WWOX: variants seen among roughly 807,000 people sequenced by gnomAD.
WWOX encodes WW domain-containing oxidoreductase.
A neutral mutation model predicts 46.2 loss-of-function variants in WWOX; 69 were observed. The observed-to-expected ratio is 1.49, with a 90% CI of 1.23 to 1.82. The LOEUF is 1.82. Ranked by LOEUF, WWOX falls within the 40% of genes most tolerant of loss-of-function variation. WWOX has a pLI of 0.00. For missense variants in WWOX, 919 were observed against 542.6 expected (o/e 1.69, Z -6.89); for synonymous variants, 359 against 202.6 (o/e 1.77, Z -6.56).
intron 8 of WWOX, among the ~76,000 whole-genome samples, chr16:78,728,370 G>C (rs1156820174): frequency 6.6e-6 from 1 of 151,976 alleles, no homozygotes; most frequent in African/African-American, 2.4e-5. Flanking sequence ...ACCACACCTG[G>C]CCATGGATAA....
intron 8 of WWOX, among the ~76,000 whole-genome samples, chr16:78,647,689 A>G (rs1559290): frequency 0.052 from 7,956 of 152,284 alleles, 288 homozygotes; most frequent in Non-Finnish European, 0.077. Flanking sequence ...TTATACCTCA[A>G]AATAGTCTGC....
intron 8 of WWOX, among the ~76,000 whole-genome samples, chr16:78,772,700 A>T (rs1220652887): frequency 1.3e-5 from 2 of 152,178 alleles, no homozygotes; most frequent in Non-Finnish European, 2.9e-5. Context: ...CTCATTCCAC[A>T]GGAGGGGAAC....
intron 8 of WWOX, among the ~76,000 whole-genome samples, chr16:78,461,810 CTA>C (rs778026547): frequency 2.6e-4 from 39 of 152,194 alleles, no homozygotes; most frequent in Non-Finnish European, 1.3e-4. Context: ...TTTTAATACT[CTA>C]TTTATTTTAG....
intron 7 of WWOX, among the ~76,000 whole-genome samples, chr16:78,429,044 C>G (rs760942336): frequency 6.6e-6 from 1 of 152,152 alleles, no homozygotes; most frequent in Non-Finnish European, 1.5e-5. Flanking sequence ...GATTGGAATT[C>G]CAAACCCATG....
chr16:79,117,602 C>G (rs2049542531), intron 8 of WWOX, among the ~76,000 whole-genome samples: 1 of 152,248 alleles, frequency 6.6e-6, no homozygotes, highest in Non-Finnish European at 1.5e-5. Flanking sequence ...TCTCAAAGTC[C>G]TAGACAGCAT....
At chr16:78,895,346 C>T (rs929061071) in intron 8 of WWOX, 1 of 152,188 alleles carries the variant, frequency 6.6e-6, no homozygotes, top group Admixed American at 6.5e-5. Context: ...CTTCCTTTCT[C>T]ATTCCCAGTA....
intron 8 of WWOX, chr16:78,551,983 G>C (rs2044185003): frequency 1.3e-5 from 2 of 152,266 alleles, no homozygotes; most frequent in African/African-American, 4.8e-5. Context: ...GCTCTCTGCT[G>C]TGTTAACAGA....
intron 8 of WWOX, among the ~76,000 whole-genome samples, chr16:78,433,369 G>A (rs2083266575): frequency 6.6e-6 from 1 of 152,140 alleles, no homozygotes; most frequent in South Asian, 2.1e-4. Context: ...ATAGTTTGGT[G>A]TTCATTTATC....
intron 8 of WWOX, among the ~76,000 whole-genome samples, chr16:78,999,814 C>T (rs773185004): frequency 2.0e-5 from 3 of 151,924 alleles, no homozygotes; most frequent in Non-Finnish European, 4.4e-5. Flanking sequence ...CACCACTACG[C>T]CATATATGCG....
intron 8 of WWOX, among the ~76,000 whole-genome samples, chr16:79,126,928 A>C (rs914822127): frequency 1.3e-5 from 2 of 152,132 alleles, no homozygotes; most frequent in African/African-American, 4.8e-5. Flanking sequence ...AGAGAGTGGG[A>C]AGTAATTTAT....
chr16:78,870,564 C>T (rs2044104819), intron 8 of WWOX, among the ~76,000 whole-genome samples: 1 of 151,864 alleles, frequency 6.6e-6, no homozygotes, highest in African/African-American at 2.4e-5. Context: ...CTCCTCTTCT[C>T]CCCTTGTCTC....
intron 8 of WWOX, among the ~76,000 whole-genome samples, chr16:78,519,274 A>G (rs2043299932): frequency 6.6e-6 from 1 of 152,092 alleles, no homozygotes; most frequent in Non-Finnish European, 1.5e-5. Flanking sequence ...GAACCCAATG[A>G]GGGCCACAGA....
At chr16:79,011,499 A>G (rs144571736) in intron 8 of WWOX, among the ~76,000 whole-genome samples, 14 of 142,246 alleles carry the variant, frequency 9.8e-5, no homozygotes, top group Admixed American at 1.4e-4. Context: ...TTATTTATTT[A>G]TTTATTTTTT....
intron 8 of WWOX, among the ~76,000 whole-genome samples, chr16:78,752,027 A>G (rs1012524647): frequency 2.0e-5 from 3 of 152,022 alleles, no homozygotes; most frequent in Non-Finnish European, 4.4e-5. Context: ...GGATGAGGAG[A>G]GAGACGACAC....
intron 8 of WWOX, among the ~76,000 whole-genome samples, chr16:78,724,312 G>T (rs1351081505): frequency 6.6e-6 from 1 of 152,146 alleles, no homozygotes; most frequent in Admixed American, 6.5e-5. Flanking sequence ...TTATCTCTGT[G>T]ATTAACTTGC....
At chr16:78,782,345 T>A (rs1003356331) in intron 8 of WWOX, among the ~76,000 whole-genome samples, 3 of 152,196 alleles carry the variant, frequency 2.0e-5, no homozygotes, top group African/African-American at 7.2e-5. Flanking sequence ...TTCCTACTTT[T>A]CTTTGGCCAC....
At chr16:79,090,481 C>G (rs781604763) in intron 8 of WWOX, among the ~76,000 whole-genome samples, 1 of 152,134 alleles carries the variant, frequency 6.6e-6, no homozygotes, top group Non-Finnish European at 1.5e-5. Context: ...CCTCAGGGAG[C>G]TTTCATTCTA....
At chr16:78,983,933 A>G (rs2046733962) in intron 8 of WWOX, among the ~76,000 whole-genome samples, 1 of 119,846 alleles carries the variant, frequency 8.3e-6, no homozygotes, top group Non-Finnish European at 1.6e-5. Flanking sequence ...GCTGGAGTGC[A>G]GTGGCGCAGT....
chr16:79,014,911 G>C (rs1291686656), intron 8 of WWOX, among the ~76,000 whole-genome samples: 7 of 152,176 alleles, frequency 4.6e-5, no homozygotes, highest in African/African-American at 1.7e-4. Flanking sequence ...ACTGATACCT[G>C]TGGTGGCACC....
Sources: gnomAD v4.1 joint callset for allele counts (sites outside exome capture counted in the v4.1 genomes callset) on GRCh38, gnomAD v4.1.1 for gene constraint, MANE v1.5 for transcripts, NCBI Gene and HGNC (gene_info 2026-07-23, HGNC 2026-07-21) for gene names.